The following PEX13 variants were observed in gnomAD, a reference collection of about 807,000 sequenced individuals.
The protein encoded by PEX13 is peroxisomal biogenesis factor 13.
A neutral mutation model predicts 34.5 loss-of-function variants in PEX13; 28 were observed. The observed-to-expected ratio is 0.81, with a 90% confidence interval of 0.60 to 1.11. The LOEUF is 1.11. Among genes scored for constraint, PEX13 ranks in the 50% most tolerant of loss-of-function variants. PEX13 has a pLI of 0.00. For synonymous variants in PEX13, 177 were observed against 175.1 expected (o/e 1.01, Z -0.09); for missense variants, 550 against 491.0 (o/e 1.12, Z -1.13).
At chr2:61,025,740 T>C (rs1342774180) in intron 1 of PEX13, among the ~76,000 whole-genome samples, 4 of 152,206 alleles carry the variant, frequency 2.6e-5, no homozygotes, top group Non-Finnish European at 2.9e-5. Flanking sequence ...TATCTTTCTC[T>C]AAAGACTTTT....
At chr2:61,046,198 A>G (rs1385534912) in intron 3 of PEX13, among the ~76,000 whole-genome samples, 1 of 152,260 alleles carries the variant, frequency 6.6e-6, no homozygotes, top group Non-Finnish European at 1.5e-5. Flanking sequence ...ATGTAACATC[A>G]TCTAAGCATT....
In PEX13 at chr2:61,031,399, T is replaced by A; in HGVS notation, c.93-20T>A. ...TTATTGTATGCTTAAATAACTGTTT[T>A]GAATCTTTTTTGGTTTTAGATCTGC... On this transcript the variant is annotated intron_variant, in intron 1 of 3. Transcript: ENST00000295030. 1 of 1,578,024 alleles carries A rather than the reference T, an allele frequency of 6.3e-7. No individual in the cohort carries two copies.
intron 3 of PEX13, 55 bp from the exon 4 acceptor site, chr2:61,048,417 C>A: frequency 7.1e-7 from 1 of 1,410,586 alleles, no homozygotes; most frequent in Non-Finnish European, 1.0e-6. Context: ...CATTACTATT[C>A]TGTTGGACCT....
At chr2:61,018,781 G>C (rs546005720) in intron 1 of PEX13, 1 of 152,464 alleles carries the variant, frequency 6.6e-6, no homozygotes, top group South Asian at 2.1e-4. Flanking sequence ...TAATAAGTTT[G>C]ATTAGGCTGG....
intron 2 of PEX13, 91 bp from the exon 3 acceptor site, chr2:61,045,635 C>G (rs935860711): frequency 8.5e-7 from 1 of 1,182,808 alleles, no homozygotes; most frequent in African/African-American, 1.5e-5. Flanking sequence ...TTTCTCTTGG[C>G]AAATTTATGC....
chr2:61,022,364 C>A (rs1680279101), intron 1 of PEX13, among the ~76,000 whole-genome samples: 1 of 152,166 alleles, frequency 6.6e-6, no homozygotes, highest in East Asian at 1.9e-4. Flanking sequence ...AACCATGGCA[C>A]AAGAACTTCG....
At chr2:61,023,891 G>A (rs1352314962) in intron 1 of PEX13, among the ~76,000 whole-genome samples, 1 of 151,930 alleles carries the variant, frequency 6.6e-6, no homozygotes, top group Non-Finnish European at 1.5e-5. Flanking sequence ...CATCTCCCAG[G>A]GCTCAAGCAG....
intron 1 of PEX13, among the ~76,000 whole-genome samples, chr2:61,020,721 C>G (rs964311953): frequency 1.3e-5 from 2 of 152,074 alleles, no homozygotes; most frequent in Non-Finnish European, 2.9e-5. Context: ...GAGACGCAAT[C>G]TTGGCTCATG....
At chr2:61,022,593 T>G (rs1680283012) in intron 1 of PEX13, among the ~76,000 whole-genome samples, 1 of 152,234 alleles carries the variant, frequency 6.6e-6, no homozygotes, top group Admixed American at 6.5e-5. Flanking sequence ...TCTAAACCAG[T>G]TGGAGTGGTT....
rs554551890 is a variant in PEX13, at chr2:61,051,217, A to G, written c.*2447A>G. 3.0e-4 allele frequency: 46 copies of G among 152,416 alleles called. No homozygotes were observed. The highest frequency in any genetic ancestry group is 1.0e-3 in the African/African-American group (43 of 41,572). The allele number at this position is 152,416 out of a possible 1,614,324, so 9.4% of individuals were successfully genotyped here. ...TAAGGTTTCTTGTATATTATTTTTC[A>G]TTTGTGTTCTACAATTAAAGGTTCT... On this transcript the variant is annotated 3_prime_UTR_variant, in exon 4 of 4. Coordinates refer to ENST00000295030, the MANE Select transcript of PEX13 (RefSeq NM_002618.4).
At chr2:61,045,612 G>A in intron 2 of PEX13, 114 bp from the exon 3 acceptor site, 1 of 789,294 alleles carries the variant, frequency 1.3e-6, no homozygotes, top group Non-Finnish European at 2.2e-6. Flanking sequence ...TTTTTACTTG[G>A]GAGGGGAGGA....
At chr2:61,045,968 G>T in intron 3 of PEX13, 117 bp downstream of exon 3, 2 of 905,432 alleles carry the variant, frequency 2.2e-6, no homozygotes, top group South Asian at 2.7e-5. Context: ...ATAGTTACTA[G>T]AACTTCTTTT....
intron 2 of PEX13, among the ~76,000 whole-genome samples, chr2:61,044,045 G>A (rs1680666987): frequency 6.6e-6 from 1 of 151,898 alleles, no homozygotes; most frequent in Non-Finnish European, 1.5e-5. Context: ...ACACTCTTGG[G>A]CTCACATGAT....
chr2:61,024,653 C>G (rs1680321816), intron 1 of PEX13, among the ~76,000 whole-genome samples: 1 of 152,044 alleles, frequency 6.6e-6, no homozygotes, highest in African/African-American at 2.4e-5. Context: ...ACTGAAAATA[C>G]AAAAAATTAG....
chr2:61,031,372 AT>A (rs746340297), intron 1 of PEX13, 46 bp from the exon 2 acceptor site: 2 of 1,400,518 alleles, frequency 1.4e-6, no homozygotes, highest in South Asian at 2.3e-5. Flanking sequence ...TTTGAATTGA[AT>A]TTATTGTATG....
chr2:61,047,674 C>T (rs1680725588), intron 3 of PEX13, among the ~76,000 whole-genome samples: 1 of 152,150 alleles, frequency 6.6e-6, no homozygotes, highest in Non-Finnish European at 1.5e-5. Flanking sequence ...TGGCTTTCCT[C>T]CATTGCTCAA....
At chr2:61,048,382 G>C in intron 3 of PEX13, 90 bp from the exon 4 acceptor site, 1 of 1,077,228 alleles carries the variant, frequency 9.3e-7, no homozygotes, top group Non-Finnish European at 1.4e-6. Flanking sequence ...AAGCATAACA[G>C]ATTTTCCTGA....
At position 61,031,830 on chromosome 2, in the gene PEX13, T is replaced by G. The variant is rs1176454924; in HGVS notation, c.504T>G (p.Phe168Leu). ...CTGTATTGGATGTAGCAAATCACTT[T>G]TCCCGATTGAAAATACACTTTACAA... The part of the protein sequence containing the change: ...FRAVLDVANH[F>L]SRLKIHFTKV... The change falls in exon 2 of 4, where the codon TTT (phenylalanine) becomes TTG (leucine). Residue 168 changes from phenylalanine to leucine, a missense_variant. Coordinates refer to ENST00000295030, the MANE Select transcript of PEX13 (RefSeq NM_002618.4). 4 of 1,613,618 alleles carry G rather than the reference T, an allele frequency of 2.5e-6. No homozygotes were observed. The African/African-American group carries it at 5.3e-5, about 22-fold the overall frequency.
chr2:61,034,902 A>T (rs1020819534), intron 2 of PEX13, among the ~76,000 whole-genome samples: 1 of 152,250 alleles, frequency 6.6e-6, no homozygotes, highest in African/African-American at 2.4e-5. Flanking sequence ...ATAGCTGAAC[A>T]AAAGGCAGCA....
Sources: gnomAD v4.1 joint callset for allele counts (sites outside exome capture counted in the v4.1 genomes callset) on GRCh38, gnomAD v4.1.1 for gene constraint, MANE v1.5 for transcripts, NCBI Gene and HGNC (gene_info 2026-07-23, HGNC 2026-07-21) for gene names.